Variants in ARHGEF7 observed in about 807,000 individuals in gnomAD.
The protein encoded by ARHGEF7 is Rho guanine nucleotide exchange factor 7, also known as PAK-interacting exchange factor beta.
ARHGEF7 carries 33 observed loss-of-function variants against 109.8 expected under a neutral mutation model. The ratio of observed to expected loss-of-function variants is 0.30; its 90% CI spans 0.23 to 0.40. The LOEUF (loss-of-function observed/expected upper bound fraction) is 0.40, where lower values mean the gene tolerates loss of function less well. Among genes scored for constraint, ARHGEF7 ranks in the 10% least tolerant of loss-of-function variants. The pLI, the probability that ARHGEF7 is intolerant of heterozygous loss-of-function variation, is 1.00. For missense variants in ARHGEF7, 938 were observed against 1,098.5 expected, an observed-to-expected ratio of 0.85 and a Z score of 2.07; for synonymous variants, 458 against 424.6, an observed-to-expected ratio of 1.08 and a Z score of -0.97.
intron 12 of ARHGEF7, among the ~76,000 whole-genome samples, chr13:111,276,418 T>A (rs566683989): frequency 6.6e-6 from 1 of 152,230 alleles, no homozygotes; most frequent in Non-Finnish European, 1.5e-5. Context: ...TTCTACATAG[T>A]CTTGTAGTTT....
intron 5 of ARHGEF7, among the ~76,000 whole-genome samples, chr13:111,221,285 ATATAGATATATATGTC>A (rs2083931834): frequency 1.9e-4 from 11 of 59,378 alleles, no homozygotes; most frequent in African/African-American, 8.6e-4. Context: ...ATATATATCT[ATATAGATATATATGTC>A]TATATATATC....
Position 111,303,135 on chromosome 13 carries a change from G to T in ARHGEF7, c.*22G>T. The T allele has an allele frequency of 6.7e-6, 10 of 1,489,598 alleles. No individual in the cohort carries two copies. Among genetic ancestry groups the T allele is most frequent in the Non-Finnish European group, 8.2e-6 (9 of 1,104,104 alleles). The allele number at this position is 1,489,598 out of a possible 1,614,324, so 92.3% of individuals were successfully genotyped here. On this transcript the variant is annotated 3_prime_UTR_variant, in exon 22 of 22. Coordinates refer to ENST00000646102, the MANE Select transcript of ARHGEF7 (RefSeq NM_001354046.2). The stretch of plus-strand genomic sequence containing the variant: ...ATAAGGGATGTCCTCAGTTCTTTCT[G>T]TTGAAGACCAGTTCTGAGGTGAAGC...
At chr13:111,211,442 A>G (rs750259824) in intron 4 of ARHGEF7, among the ~76,000 whole-genome samples, 2 of 152,184 alleles carry the variant, frequency 1.3e-5, no homozygotes, top group Non-Finnish European at 2.9e-5. Flanking sequence ...ACAAATGTAT[A>G]ATTTTAAGTA....
chr13:111,250,410 G>A (rs1747143191), intron 8 of ARHGEF7, among the ~76,000 whole-genome samples: 1 of 152,186 alleles, frequency 6.6e-6, no homozygotes, highest in Admixed American at 6.5e-5. Flanking sequence ...TCTGGTGAGG[G>A]AGACAGATAA....
chr13:111,272,836 A>G lies in ARHGEF7; in HGVS notation c.1074-978A>G, dbSNP rs2092257181. On this transcript the variant is annotated intron_variant, in intron 9 of 21. Transcript: ENST00000646102. This position sits in a 1 kb window ranked among gnomAD's most constrained non-coding sequence, Gnocchi z 5.2. ...CCTGACAGAGACCTCAGAGATCGCC[A>G]GTGAAGGGGTGTTGCGGTCAGGTGA... Among the ~76,000 whole-genome samples, 1 of 152,168 alleles carries G rather than the reference A, an allele frequency of 6.6e-6. No individual in the cohort carries two copies. Among genetic ancestry groups the G allele is most frequent in the Non-Finnish European group, 1.5e-5 (1 of 68,040 alleles).
In ARHGEF7 at chr13:111,269,639, C is replaced by T. The variant is rs1373420710; in HGVS notation, c.1073+1969C>T. ...TGAGGCCCGCTCGGGACAGCAGCCC[C>T]GGGGCAAGTCACCATTGCTTTAGTG... is the stretch of plus-strand genomic sequence containing the variant. On this transcript the variant is annotated intron_variant, in intron 9 of 21. Coordinates refer to ENST00000646102, the MANE Select transcript of ARHGEF7 (RefSeq NM_001354046.2). Among the ~76,000 whole-genome samples the T allele has an allele frequency of 5.9e-5, 9 of 152,300 alleles. No homozygotes were observed. The South Asian group carries it at 8.3e-4, about 14-fold the overall frequency.
At chr13:111,156,973 C>G (rs1290945979) in intron 2 of ARHGEF7, among the ~76,000 whole-genome samples, 1 of 152,164 alleles carries the variant, frequency 6.6e-6, no homozygotes. Flanking sequence ...TCAGTTTAAG[C>G]TCTGCTAAGA....
At chr13:111,153,550 C>T in intron 1 of ARHGEF7, 1 of 940,900 alleles carries the variant, frequency 1.1e-6, no homozygotes, top group Admixed American at 5.9e-5. Flanking sequence ...TGGCAGCTCG[C>T]CGGCAAAGCA....
chr13:111,133,810 T>A lies in ARHGEF7; in HGVS notation c.165+18119T>A, dbSNP rs1307864324. On this transcript the variant is annotated intron_variant, in intron 1 of 21. Transcript: ENST00000646102. ...ATATATATATATATATATATATATA[T>A]ATATTTATTATACTTTAAGTTCTAG... Among the ~76,000 whole-genome samples the A allele has an allele frequency of 2.9e-3, 152 of 52,562 alleles. 7 individuals are homozygous for A. Among genetic ancestry groups the A allele is most frequent in the East Asian group, 0.01 (16 of 1,524 alleles). The allele number at this position is 52,562 out of a possible 152,430, so 34.5% of individuals were successfully genotyped here.
At chr13:111,195,751 C>CT (rs1437290025) in intron 2 of ARHGEF7, among the ~76,000 whole-genome samples, 2 of 152,142 alleles carry the variant, frequency 1.3e-5, no homozygotes, top group East Asian at 3.9e-4. Context: ...GTTGGACAGT[C>CT]TTTTTTAAAG....
Position 111,243,950 on chromosome 13 carries a change from T to C in ARHGEF7, c.838T>C (p.Leu280=). ...QTVLSTYLRP[L]QTSEKLSSAN... ...TGTGCTTTCAACGTACCTACGGCCA[T>C]TGCAGACCAGTGAGAAGTAAGTTAG... The change falls in exon 7 of 22, where the codon TTG becomes CTG. Residue 280 remains leucine (L), a synonymous_variant. Coordinates refer to ENST00000646102, the MANE Select transcript of ARHGEF7 (RefSeq NM_001354046.2). 6.2e-7 allele frequency: 1 copy of C among 1,612,346 alleles called. No homozygotes were observed. Among genetic ancestry groups the C allele is most frequent in the South Asian group, 1.1e-5 (1 of 90,890 alleles).
At chr13:111,263,765 A>C (rs2091338824) in intron 8 of ARHGEF7, among the ~76,000 whole-genome samples, 1 of 152,200 alleles carries the variant, frequency 6.6e-6, no homozygotes, top group Admixed American at 6.5e-5. Context: ...TCACCTGCTC[A>C]GATGTCAGAA....
At chr13:111,241,714 T>C (rs2087818261) in intron 6 of ARHGEF7, among the ~76,000 whole-genome samples, 1 of 152,224 alleles carries the variant, frequency 6.6e-6, no homozygotes, top group Non-Finnish European at 1.5e-5. Context: ...TGATAGTTTC[T>C]AGTGGCTGCT....
rs59942856 is a variant in ARHGEF7, at chr13:111,198,720, G to C, written c.253-6569G>C. On this transcript the variant is annotated intron_variant, in intron 2 of 21. Transcript: ENST00000646102. ...GCAGCAGCAAGATTTATTGTGAAGA[G>C]CAAAAGAACAAAGCTTCCACAGTGT... Among the ~76,000 whole-genome samples, 524 of 152,296 alleles carry C rather than the reference G, an allele frequency of 3.4e-3. 4 individuals are homozygous for C. The highest frequency in any genetic ancestry group is 0.012 in the African/African-American group (515 of 41,554).
chr13:111,231,609 C>T (rs1425524659), intron 5 of ARHGEF7, among the ~76,000 whole-genome samples: 2 of 152,112 alleles, frequency 1.3e-5, no homozygotes, highest in Non-Finnish European at 2.9e-5. Context: ...TGGTGCAGAT[C>T]CTGAGGAGGC....
chr13:111,153,070 G>T (rs1254198140), intron 1 of ARHGEF7, among the ~76,000 whole-genome samples: 1 of 152,246 alleles, frequency 6.6e-6, no homozygotes, highest in East Asian at 1.9e-4. Flanking sequence ...GAAGCGCGTG[G>T]CTTATATTTG....
intron 2 of ARHGEF7, among the ~76,000 whole-genome samples, chr13:111,184,337 AAT>A (rs1313171216): frequency 6.6e-6 from 1 of 152,166 alleles, no homozygotes; most frequent in Non-Finnish European, 1.5e-5. Context: ...AGAACGGACT[AAT>A]ACAGATGGTT....
At chr13:111,116,897 G>A (rs527592846) in intron 1 of ARHGEF7, among the ~76,000 whole-genome samples, 1 of 152,166 alleles carries the variant, frequency 6.6e-6, no homozygotes, top group East Asian at 1.9e-4. Flanking sequence ...TATGAAAACA[G>A]AATCTGCATA....
chr13:111,122,407 CCTTT>C (rs755711614), intron 1 of ARHGEF7, among the ~76,000 whole-genome samples: 34 of 152,228 alleles, frequency 2.2e-4, no homozygotes, highest in Non-Finnish European at 3.8e-4. Flanking sequence ...ACTTCTCCCT[CCTTT>C]ATCAGTTCTG....
Sources: allele counts gnomAD v4.1 joint callset (sites outside exome capture counted in the v4.1 genomes callset), GRCh38; gene constraint gnomAD v4.1.1; non-coding constraint Gnocchi (gnomAD v3.1); transcripts MANE v1.5; gene names NCBI Gene and HGNC (gene_info 2026-07-23, HGNC 2026-07-21).